LRMDA: variants seen among roughly 807,000 people sequenced by gnomAD.
LRMDA encodes the protein leucine-rich melanocyte differentiation-associated protein.
A neutral mutation model predicts 29.8 loss-of-function variants in LRMDA; 18 were observed. That is an observed-to-expected ratio of 0.60 (90% CI 0.42 to 0.90). LRMDA has a LOEUF of 0.90. Ranked by LOEUF, LRMDA falls within the 40% of genes least tolerant of loss-of-function variation. The pLI is 0.00. For missense variants in LRMDA, 273 were observed against 273.9 expected, an observed-to-expected ratio of 1.00 and a Z score of 0.02; for synonymous variants, 125 against 109.4, an observed-to-expected ratio of 1.14 and a Z score of -0.89.
chr10:76,430,032 G>C (rs1251432418), intron 6 of LRMDA, among the ~76,000 whole-genome samples: 3 of 152,184 alleles, frequency 2.0e-5, no homozygotes, highest in Non-Finnish European at 2.9e-5. Flanking sequence ...CAAACATGCT[G>C]TTTCTCTAGC....
At chr10:76,236,043 G>A (rs1852146495) in intron 5 of LRMDA, among the ~76,000 whole-genome samples, 2 of 152,126 alleles carry the variant, frequency 1.3e-5, no homozygotes, top group African/African-American at 4.8e-5. Flanking sequence ...CAAAGAAGTC[G>A]ATGGGATGAT....
intron 5 of LRMDA, among the ~76,000 whole-genome samples, chr10:76,284,847 C>T (rs767183769): frequency 6.6e-6 from 1 of 152,160 alleles, no homozygotes; most frequent in Non-Finnish European, 1.5e-5. Flanking sequence ...TTCCCCTGCA[C>T]ATGCTTTCTT....
At chr10:76,277,995 G>A (rs535648702) in intron 5 of LRMDA, among the ~76,000 whole-genome samples, 1 of 152,222 alleles carries the variant, frequency 6.6e-6, no homozygotes, top group Non-Finnish European at 1.5e-5. Context: ...AGTTTTCTGT[G>A]TTTCATTTGC....
intron 2 of LRMDA, among the ~76,000 whole-genome samples, chr10:75,912,844 C>G (rs1845863879): frequency 1.3e-5 from 2 of 152,222 alleles, no homozygotes; most frequent in South Asian, 4.1e-4. Flanking sequence ...TGCTTATCCT[C>G]TAATTGCTGG....
intron 6 of LRMDA, among the ~76,000 whole-genome samples, chr10:76,449,530 T>G (rs1191722886): frequency 6.6e-6 from 1 of 151,974 alleles, no homozygotes; most frequent in Non-Finnish European, 1.5e-5. Flanking sequence ...GTGAGCTGTA[T>G]GTACTTGATT....
chr10:75,881,616 C>T (rs1009530018), intron 2 of LRMDA, among the ~76,000 whole-genome samples: 7 of 152,076 alleles, frequency 4.6e-5, no homozygotes, highest in Admixed American at 3.3e-4. Context: ...GCCTCTGATT[C>T]GTTGCTTTCC....
chr10:75,755,652 G>C (rs1843022739), intron 2 of LRMDA, among the ~76,000 whole-genome samples: 1 of 152,242 alleles, frequency 6.6e-6, no homozygotes, highest in Admixed American at 6.5e-5. Context: ...CCAGTCAACA[G>C]AAGATCAAAG....
Position 76,449,567 on chromosome 10 carries a change from G to A in LRMDA, c.602-107642G>A, listed in dbSNP as rs1178987997. On this transcript the variant is annotated intron_variant, in intron 6 of 6. Transcript: ENST00000611255. ...TGTAACACCTATTAGGAAAACTTAA[G>A]GCATTCATATCTGTTGCTATAGCAT... Among the ~76,000 whole-genome samples the A allele has an allele frequency of 2.0e-5, 3 of 151,898 alleles. No individual in the cohort carries two copies. In the South Asian group the frequency reaches 6.2e-4, roughly 31 times the overall value.
intron 2 of LRMDA, among the ~76,000 whole-genome samples, chr10:75,464,739 T>G (rs547453420): frequency 6.6e-6 from 1 of 152,232 alleles, no homozygotes; most frequent in South Asian, 2.1e-4. Flanking sequence ...CCCAGCAAAG[T>G]TAGACAATAC....
intron 5 of LRMDA, among the ~76,000 whole-genome samples, chr10:76,239,292 C>A (rs2132282410): frequency 6.6e-6 from 1 of 152,242 alleles, no homozygotes; most frequent in East Asian, 1.9e-4. Context: ...CTACACACTG[C>A]ATTAGGCTTC....
At chr10:76,330,569 G>A (rs2132406136) in intron 6 of LRMDA, among the ~76,000 whole-genome samples, 1 of 152,218 alleles carries the variant, frequency 6.6e-6, no homozygotes, top group Non-Finnish European at 1.5e-5. Flanking sequence ...ACCCCACTTA[G>A]GGAAGAGGAA....
chr10:75,768,424 C>T (rs539225946), intron 2 of LRMDA, among the ~76,000 whole-genome samples: 4 of 152,254 alleles, frequency 2.6e-5, no homozygotes, highest in African/African-American at 9.6e-5. Flanking sequence ...AGGGAACTTT[C>T]AGGTTATAAC....
chr10:75,825,758 C>T (rs1844237517), intron 2 of LRMDA, among the ~76,000 whole-genome samples: 1 of 152,194 alleles, frequency 6.6e-6, no homozygotes, highest in East Asian at 1.9e-4. Context: ...TTTCGATCTT[C>T]TCTTGCCAAG....
At chr10:76,516,336 T>A (rs2132356436) in intron 6 of LRMDA, among the ~76,000 whole-genome samples, 1 of 138,414 alleles carries the variant, frequency 7.2e-6, no homozygotes, top group Non-Finnish European at 1.6e-5. Flanking sequence ...AATAAGTTTT[T>A]TTTAAAATTA....
intron 2 of LRMDA, among the ~76,000 whole-genome samples, chr10:75,803,708 T>C (rs972752140): frequency 6.6e-6 from 1 of 152,220 alleles, no homozygotes; most frequent in African/African-American, 2.4e-5. Context: ...AGAAGTATTG[T>C]CTATTAATAC....
At chr10:75,886,842 G>A (rs1255486694) in intron 2 of LRMDA, among the ~76,000 whole-genome samples, 1 of 152,148 alleles carries the variant, frequency 6.6e-6, no homozygotes, top group Admixed American at 6.6e-5. Context: ...TAAGTAAAGT[G>A]TCTCAGGTCA....
intron 6 of LRMDA, among the ~76,000 whole-genome samples, chr10:76,551,463 G>C (rs1001794384): frequency 2.6e-5 from 4 of 152,134 alleles, no homozygotes; most frequent in African/African-American, 9.7e-5. Context: ...CATCTCATCT[G>C]TACCAAGTGC....
intron 2 of LRMDA, among the ~76,000 whole-genome samples, chr10:75,712,697 C>G (rs1482165300): frequency 2.0e-5 from 3 of 152,164 alleles, no homozygotes; most frequent in Non-Finnish European, 4.4e-5. Flanking sequence ...AACTGAACAC[C>G]CAAGGACCGT....
At chr10:75,672,609 C>A (rs1841911264) in intron 2 of LRMDA, among the ~76,000 whole-genome samples, 1 of 105,712 alleles carries the variant, frequency 9.5e-6, no homozygotes, top group Non-Finnish European at 1.8e-5. Flanking sequence ...TTTTTTTAGA[C>A]AGCGTCTCAC....
Sources: allele counts gnomAD v4.1 joint callset (sites outside exome capture counted in the v4.1 genomes callset), GRCh38; gene constraint gnomAD v4.1.1; transcripts MANE v1.5; gene names NCBI Gene and HGNC (gene_info 2026-07-23, HGNC 2026-07-21).